SPINK9: variants seen among roughly 807,000 people sequenced by gnomAD.
The protein encoded by SPINK9 is serine protease inhibitor Kazal-type 9.
In SPINK9, 3 loss-of-function variants were observed where a neutral mutation model predicts 10.8. The observed-to-expected ratio is 0.28, with a 90% CI of 0.13 to 0.72. The LOEUF (loss-of-function observed/expected upper bound fraction) is 0.72. SPINK9 is among the 30% of genes least tolerant of loss of function. SPINK9 has a pLI of 0.74. For missense variants in SPINK9, 101 were observed against 103.2 expected, an observed-to-expected ratio of 0.98 and a Z score of 0.09; for synonymous variants, 30 against 31.2, an observed-to-expected ratio of 0.96 and a Z score of 0.12.
upstream of SPINK9, among the ~76,000 whole-genome samples, chr5:148,332,338 T>C (rs1163440032): frequency 6.6e-6 from 1 of 152,234 alleles, no homozygotes; most frequent in Non-Finnish European, 1.5e-5. Context: ...ACCATAAGGC[T>C]GTGCTCACTT....
chr5:148,330,563 T>G (rs1375883010), upstream of SPINK9, among the ~76,000 whole-genome samples: 3 of 152,208 alleles, frequency 2.0e-5, no homozygotes, highest in African/African-American at 7.2e-5. Flanking sequence ...GTTAGCTGGT[T>G]ATTTTGCTCA....
chr5:148,337,016 G>A (rs1757226127), intron 2 of SPINK9, among the ~76,000 whole-genome samples: 1 of 152,088 alleles, frequency 6.6e-6, no homozygotes, highest in Admixed American at 6.6e-5. Flanking sequence ...TGGGGCCTGG[G>A]AAATTTATTT....
At chr5:148,339,598 G>A in intron 3 of SPINK9, 69 bp from the exon 4 acceptor site, 1 of 1,375,556 alleles carries the variant, frequency 7.3e-7, no homozygotes, top group Non-Finnish European at 1.0e-6. Flanking sequence ...ATTCATTAGT[G>A]AAGTTTGGAT....
intron 2 of SPINK9, 52 bp from the exon 3 acceptor site, chr5:148,338,426 G>A: frequency 1.3e-6 from 2 of 1,542,298 alleles, no homozygotes; most frequent in South Asian, 2.5e-5. Context: ...CCTAAATCCT[G>A]ATAATAAAGA....
chr5:148,329,270 T>C (rs185676524), intron 2 of SPINK9, among the ~76,000 whole-genome samples: 111 of 152,332 alleles, frequency 7.3e-4, no homozygotes, highest in African/African-American at 2.5e-3. Context: ...CCCTGTCTTC[T>C]AGATTTTCTA....
chr5:148,329,669 G>A (rs972983909), intron 2 of SPINK9, among the ~76,000 whole-genome samples: 1 of 152,036 alleles, frequency 6.6e-6, no homozygotes, highest in South Asian at 2.1e-4. Context: ...TCTACACACT[G>A]CTTTGAATGT....
At chr5:148,332,274 G>T (rs149628159), upstream of SPINK9, among the ~76,000 whole-genome samples, 12 of 152,320 alleles carry the variant, frequency 7.9e-5, no homozygotes, top group East Asian at 2.3e-3. Context: ...ATGCCATAGA[G>T]AATCTGAGGG....
chr5:148,336,587 A>C, intron 2 of SPINK9, 134 bp downstream of exon 2: 1 of 962,306 alleles, frequency 1.0e-6, no homozygotes, highest in Non-Finnish European at 1.6e-6. Flanking sequence ...TTTTATTTCA[A>C]AAATTGTAGG....
chr5:148,327,243 T>G (rs564447246), intron 2 of SPINK9, among the ~76,000 whole-genome samples: 26 of 152,378 alleles, frequency 1.7e-4, no homozygotes, highest in Non-Finnish European at 1.2e-4. Context: ...GGTTTTGATT[T>G]GCATTTCTCT....
At chr5:148,337,902 C>T (rs1231445395) in intron 2 of SPINK9, among the ~76,000 whole-genome samples, 1 of 152,112 alleles carries the variant, frequency 6.6e-6, no homozygotes, top group Admixed American at 6.6e-5. Context: ...CCTACTTCCA[C>T]AGGCTTTGCT....
chr5:148,335,824 A>G (rs1012375368), intron 1 of SPINK9, among the ~76,000 whole-genome samples, 156 bp downstream of exon 1: 4 of 152,218 alleles, frequency 2.6e-5, no homozygotes, highest in Non-Finnish European at 5.9e-5. Context: ...TTGCTAAATC[A>G]CATCACCTCA....
chr5:148,325,971 A>T lies in SPINK9; in HGVS notation c.118+2103A>T, dbSNP rs79170612. On this transcript the variant is annotated intron_variant, in intron 2 of 4. Coordinates refer to the SPINK9 transcript ENST00000511717. ...CCCAGCCTGAATTTTCGAAAAGATT[A>T]TTCTCCGAAGAATTGTCTTGGCACC... Among the ~76,000 whole-genome samples, 247 of 152,260 alleles carry T rather than the reference A, an allele frequency of 1.6e-3. 1 individual carries two copies. The highest frequency in any genetic ancestry group is 5.7e-3 in the African/African-American group (237 of 41,566).
At chr5:148,333,534 T>A (rs7707995), upstream of SPINK9, among the ~76,000 whole-genome samples, 4,392 of 152,324 alleles carry the variant, frequency 0.029, 205 homozygotes, top group African/African-American at 0.099. Context: ...AGGGACAGCT[T>A]ATGCAGAAAT....
chr5:148,332,784 C>T (rs1757167368), upstream of SPINK9, among the ~76,000 whole-genome samples: 1 of 152,130 alleles, frequency 6.6e-6, no homozygotes, highest in Non-Finnish European at 1.5e-5. Flanking sequence ...AAATAACTCA[C>T]ATTAACTTGG....
At chr5:148,339,469 T>C (rs532091028) in intron 3 of SPINK9, among the ~76,000 whole-genome samples, 198 bp from the exon 4 acceptor site, 2 of 152,188 alleles carry the variant, frequency 1.3e-5, no homozygotes, top group South Asian at 4.1e-4. Context: ...GGGATATAAA[T>C]TGTGATGTAT....
At chr5:148,330,506 T>C (rs1757134161) in intron 2 of SPINK9, among the ~76,000 whole-genome samples, 1 of 152,202 alleles carries the variant, frequency 6.6e-6, no homozygotes, top group African/African-American at 2.4e-5. Context: ...TCCATTTACA[T>C]TTAGGGTTAG....
At chr5:148,325,526 C>A (rs1005373839) in intron 2 of SPINK9, among the ~76,000 whole-genome samples, 1 of 151,984 alleles carries the variant, frequency 6.6e-6, no homozygotes, top group Non-Finnish European at 1.5e-5. Flanking sequence ...ATGGTGTTAG[C>A]GGTCTTTTCA....
intron 2 of SPINK9, among the ~76,000 whole-genome samples, chr5:148,324,935 AC>A (rs900894923): frequency 6.6e-6 from 1 of 151,704 alleles, no homozygotes; most frequent in Non-Finnish European, 1.5e-5. Context: ...ACTCCTATCT[AC>A]CCCCCTACTA....
chr5:148,324,179 T>C (rs1423251375), intron 2 of SPINK9, among the ~76,000 whole-genome samples: 4 of 152,006 alleles, frequency 2.6e-5, no homozygotes, highest in Admixed American at 1.3e-4. Flanking sequence ...GCTTGAAAAA[T>C]GAAAACATTT....
Sources: allele counts gnomAD v4.1 joint callset (sites outside exome capture counted in the v4.1 genomes callset), GRCh38; gene constraint gnomAD v4.1.1; transcripts MANE v1.5; gene names NCBI Gene and HGNC (gene_info 2026-07-23, HGNC 2026-07-21).